SLC8A1: variants seen among roughly 807,000 people sequenced by gnomAD.
The protein encoded by SLC8A1 is sodium/calcium exchanger 1.
Under a neutral mutation model 68.3 loss-of-function variants are expected in SLC8A1, and 18 were observed. That is an observed-to-expected ratio of 0.26 (90% CI 0.18 to 0.39). The LOEUF (loss-of-function observed/expected upper bound fraction) is 0.39. Among genes scored for constraint, SLC8A1 ranks in the 10% least tolerant of loss-of-function variants. The probability of loss-of-function intolerance (pLI) is 1.00; values close to 1 mark genes in which losing one functional copy is unlikely to be tolerated. For missense variants in SLC8A1, 985 were observed against 1,156.7 expected (o/e 0.85, Z 2.15); for synonymous variants, 475 against 415.5 (o/e 1.14, Z -1.74).
rs114414508 is a variant in SLC8A1, at chr2:40,361,491, C to T, written c.1808+66982G>A. The stretch of plus-strand genomic sequence containing the variant: ...TTTTTTTTTTTTGTTTTGGAATAGT[C>T]TTAATATTACTGTAAACACTTGAGA... On this transcript the variant is annotated intron_variant, in intron 2 of 7. Coordinates refer to ENST00000406785, the Ensembl canonical transcript of SLC8A1. Among the ~76,000 whole-genome samples the T allele has an allele frequency of 7.6e-3, 1,140 of 149,116 alleles. 17 individuals are homozygous for T. Among genetic ancestry groups the T allele is most frequent in the African/African-American group, 0.026 (1,068 of 40,824 alleles).
chr2:40,102,488 G>C (rs1448203982), exon 8 of SLC8A1: 1 of 152,042 alleles, frequency 6.6e-6, no homozygotes, highest in East Asian at 1.9e-4. Context: ...GAAAAATTAA[G>C]TTGAGCAACT....
intron 6 of SLC8A1, among the ~76,000 whole-genome samples, chr2:40,143,475 A>C (rs893253937): frequency 3.9e-5 from 6 of 152,186 alleles, no homozygotes; most frequent in Admixed American, 6.5e-5. Flanking sequence ...GTTTGCTTTT[A>C]TAGAATCCCA....
chr2:40,277,274 C>T (rs1431239131), intron 2 of SLC8A1, among the ~76,000 whole-genome samples: 1 of 152,040 alleles, frequency 6.6e-6, no homozygotes, highest in Non-Finnish European at 1.5e-5. Flanking sequence ...GGCACGGTAG[C>T]TCACGCCTAT....
At chr2:40,209,124 C>T (rs566689165) in intron 2 of SLC8A1, 1 of 151,888 alleles carries the variant, frequency 6.6e-6, no homozygotes, top group South Asian at 2.1e-4. Context: ...ATTTAGTATG[C>T]TAGATGTGCT....
chr2:40,219,777 A>G (rs1024565933), intron 2 of SLC8A1, among the ~76,000 whole-genome samples: 5 of 152,202 alleles, frequency 3.3e-5, no homozygotes, highest in Admixed American at 1.3e-4. Context: ...TATCTTAATT[A>G]GCAAAACCTA....
chr2:40,370,266 A>G (rs1315516801), intron 2 of SLC8A1, among the ~76,000 whole-genome samples: 1 of 152,124 alleles, frequency 6.6e-6, no homozygotes, highest in Non-Finnish European at 1.5e-5. Context: ...GAGTTCTGAG[A>G]GCTCAGACAT....
At chr2:40,137,501 C>T (rs1348498918) in intron 7 of SLC8A1, among the ~76,000 whole-genome samples, 2 of 152,182 alleles carry the variant, frequency 1.3e-5, no homozygotes, top group African/African-American at 4.8e-5. Context: ...GATTCAGTGA[C>T]TTAAACCATA....
chr2:40,252,733 C>CTTCT, intron 2 of SLC8A1, among the ~76,000 whole-genome samples: 1 of 144,600 alleles, frequency 6.9e-6, no homozygotes, highest in East Asian at 1.9e-4. Flanking sequence ...CAAACCAGCT[C>CTTCT]TTCTTTTATT....
intron 5 of SLC8A1, among the ~76,000 whole-genome samples, chr2:40,164,645 G>C (rs1452299241): frequency 6.6e-6 from 1 of 152,048 alleles, no homozygotes; most frequent in Non-Finnish European, 1.5e-5. Flanking sequence ...CTGGGCCCTG[G>C]TTCGGATGCT....
At chr2:40,179,873 G>T (rs572772316) in intron 2 of SLC8A1, among the ~76,000 whole-genome samples, 11 of 152,214 alleles carry the variant, frequency 7.2e-5, no homozygotes, top group Admixed American at 3.9e-4. Context: ...AAATGCTTAA[G>T]TCTTGCTTTT....
intron 2 of SLC8A1, among the ~76,000 whole-genome samples, chr2:40,307,577 A>C (rs1382873437): frequency 6.6e-6 from 1 of 152,206 alleles, no homozygotes; most frequent in East Asian, 1.9e-4. Context: ...AATTCAGCGA[A>C]AGGAAACAAA....
intron 2 of SLC8A1, among the ~76,000 whole-genome samples, chr2:40,355,952 C>T (rs1232153840): frequency 2.6e-5 from 4 of 152,306 alleles, no homozygotes; most frequent in Non-Finnish European, 5.9e-5. Context: ...CCCCTTCAGG[C>T]ACAAACATGG....
At chr2:40,439,480 G>A (rs559794961) in intron 1 of SLC8A1, among the ~76,000 whole-genome samples, 1 of 152,178 alleles carries the variant, frequency 6.6e-6, no homozygotes, top group Non-Finnish European at 1.5e-5. Flanking sequence ...AATCCCTGTG[G>A]TCACTCTTTC....
chr2:40,329,027 A>G lies in SLC8A1; in HGVS notation c.1808+99446T>C, dbSNP rs555746282. 7.4e-5 allele frequency among the ~76,000 whole-genome samples: 11 copies of G among 147,836 alleles called. No homozygotes were observed. In the South Asian group the frequency reaches 2.2e-3, roughly 29 times the overall value. On this transcript the variant is annotated intron_variant, in intron 2 of 7. Transcript: ENST00000406785. ...GTCCCTTATGGTTTCAACTCACACTACTTCTCTATTTTCATCTCCTCACAC... is the reference window on the plus strand; with the variant it reads ...GTCCCTTATGGTTTCAACTCACACTGCTTCTCTATTTTCATCTCCTCACAC...
intron 1 of SLC8A1, among the ~76,000 whole-genome samples, chr2:40,483,099 C>T (rs1051488536): frequency 1.4e-4 from 21 of 151,582 alleles, no homozygotes; most frequent in African/African-American, 4.8e-4. Context: ...CCATCGTGCC[C>T]GGCCCACAGT....
At chr2:40,236,266 T>G (rs1280524671) in intron 2 of SLC8A1, among the ~76,000 whole-genome samples, 1 of 151,396 alleles carries the variant, frequency 6.6e-6, no homozygotes, top group Non-Finnish European at 1.5e-5. Context: ...AGGACTTGCT[T>G]TATGAATCTG....
At chr2:40,360,146 T>G (rs1674150863) in intron 2 of SLC8A1, among the ~76,000 whole-genome samples, 1 of 152,102 alleles carries the variant, frequency 6.6e-6, no homozygotes, top group Non-Finnish European at 1.5e-5. Context: ...AGGCTCAAAA[T>G]TGATTGAAGT....
intron 6 of SLC8A1, 59 bp downstream of exon 9, chr2:40,160,706 G>A: frequency 6.8e-7 from 1 of 1,480,140 alleles, no homozygotes. Context: ...AGCCACAGTA[G>A]GAAAACTCAG....
chr2:40,420,371 AAC>A (rs71406062), intron 2 of SLC8A1, among the ~76,000 whole-genome samples: 2,753 of 146,766 alleles, frequency 0.019, 96 homozygotes, highest in African/African-American at 0.064. Context: ...AAAAAAAAAA[AAC>A]AGACCAAGAA....
Sources: gnomAD v4.1 joint callset for allele counts (sites outside exome capture counted in the v4.1 genomes callset) on GRCh38, gnomAD v4.1.1 for gene constraint, MANE v1.5 for transcripts, NCBI Gene and HGNC (gene_info 2026-07-23, HGNC 2026-07-21) for gene names.